The following CERS3 variants were observed in gnomAD, a reference collection of about 807,000 sequenced individuals.
The protein encoded by CERS3 is LAG1 homolog, ceramide synthase 3.
A neutral mutation model predicts 50.3 loss-of-function variants in CERS3; 33 were observed. That is an observed-to-expected ratio of 0.66 (90% CI 0.50 to 0.88). The LOEUF (loss-of-function observed/expected upper bound fraction) is 0.88, where lower values mean the gene tolerates loss of function less well. Ranked by LOEUF, CERS3 falls within the 40% of genes least tolerant of loss-of-function variation. The pLI, the probability that CERS3 is intolerant of heterozygous loss-of-function variation, is 0.00. For synonymous variants in CERS3, 176 were observed against 155.2 expected, an observed-to-expected ratio of 1.13 and a Z score of -0.99; for missense variants, 470 against 460.3, an observed-to-expected ratio of 1.02 and a Z score of -0.19.
chr15:100,459,843 T>C (rs1240275787), intron 10 of CERS3, among the ~76,000 whole-genome samples: 1 of 152,178 alleles, frequency 6.6e-6, no homozygotes, highest in Non-Finnish European at 1.5e-5. Context: ...TTATTTAATG[T>C]ATAGTGACTA....
At chr15:100,484,912 G>A (rs1003442810) in intron 4 of CERS3, among the ~76,000 whole-genome samples, 2 of 152,104 alleles carry the variant, frequency 1.3e-5, no homozygotes, top group Non-Finnish European at 1.5e-5. Context: ...TTCTCCATAC[G>A]CTGGCAGCAA....
At chr15:100,442,689 G>A (rs1201811141) in intron 11 of CERS3, among the ~76,000 whole-genome samples, 1 of 152,292 alleles carries the variant, frequency 6.6e-6, no homozygotes, top group East Asian at 1.9e-4. Context: ...GCCACTCCCA[G>A]AGCCCCTGGA....
chr15:100,492,208 T>TA (rs2035674128), intron 3 of CERS3, among the ~76,000 whole-genome samples: 1 of 152,260 alleles, frequency 6.6e-6, no homozygotes. Context: ...AGATGTTTGT[T>TA]ACGACTAGCT....
chr15:100,486,663 A>G (rs1194917586), intron 4 of CERS3, among the ~76,000 whole-genome samples: 2 of 152,208 alleles, frequency 1.3e-5, no homozygotes. Flanking sequence ...AGCAGGACAT[A>G]TTCTGGCATG....
intron 3 of CERS3, among the ~76,000 whole-genome samples, chr15:100,497,286 G>C (rs1372759771): frequency 1.3e-5 from 2 of 150,880 alleles, no homozygotes; most frequent in Non-Finnish European, 2.9e-5. Context: ...GACACACACA[G>C]AGAGAGAGAG....
intron 4 of CERS3, among the ~76,000 whole-genome samples, chr15:100,486,016 C>T (rs1327245600): frequency 1.3e-5 from 2 of 152,200 alleles, no homozygotes; most frequent in Non-Finnish European, 2.9e-5. Context: ...GAGAAGCACA[C>T]ATCATGTCCC....
At chr15:100,449,979 CAATACAAGGAAATCAGAAAAACAATTCAT>C (rs2034094310) in intron 11 of CERS3, among the ~76,000 whole-genome samples, 1 of 151,598 alleles carries the variant, frequency 6.6e-6, no homozygotes, top group Admixed American at 6.6e-5. Context: ...CACAGATAAA[CAATACAAGGAAATCAGAAAAACAATTCAT>C]AATGTGAATG....
intron 10 of CERS3, among the ~76,000 whole-genome samples, chr15:100,466,806 TCC>T (rs1205564648): frequency 2.2e-5 from 1 of 44,932 alleles, no homozygotes; most frequent in South Asian, 1.9e-3. Flanking sequence ...CCTCCCTCCC[TCC>T]CTCCCTCCCT....
intron 10 of CERS3, among the ~76,000 whole-genome samples, chr15:100,463,464 A>G (rs920800212): frequency 6.6e-6 from 1 of 151,726 alleles, no homozygotes; most frequent in Non-Finnish European, 1.5e-5. Flanking sequence ...AAAATTCTAA[A>G]TAAATGAATA....
At chr15:100,420,614 G>A (rs2032350520) in intron 11 of CERS3, among the ~76,000 whole-genome samples, 1 of 151,628 alleles carries the variant, frequency 6.6e-6, no homozygotes, top group Admixed American at 6.6e-5. Flanking sequence ...CCAAAGCCAG[G>A]CAGAGACACA....
At chr15:100,540,738 G>C (rs2037183002) in intron 1 of CERS3, among the ~76,000 whole-genome samples, 1 of 152,174 alleles carries the variant, frequency 6.6e-6, no homozygotes, top group Non-Finnish European at 1.5e-5. Flanking sequence ...TCTGACTCCA[G>C]TAAGCTCTTC....
At chr15:100,405,747 G>A (rs574615939) in intron 11 of CERS3, among the ~76,000 whole-genome samples, 1 of 152,144 alleles carries the variant, frequency 6.6e-6, no homozygotes, top group African/African-American at 2.4e-5. Flanking sequence ...TGATTATGGG[G>A]ATGGCTGCAC....
intron 5 of CERS3, among the ~76,000 whole-genome samples, chr15:100,483,905 C>A (rs1011242284): frequency 6.7e-6 from 1 of 150,362 alleles, no homozygotes; most frequent in Non-Finnish European, 1.5e-5. Context: ...CTCAGCCTCC[C>A]GAGTAGCTGG....
At chr15:100,522,481 T>A (rs1461862308) in intron 1 of CERS3, among the ~76,000 whole-genome samples, 1 of 152,214 alleles carries the variant, frequency 6.6e-6, no homozygotes, top group Non-Finnish European at 1.5e-5. Flanking sequence ...CACCCCAGAC[T>A]CTTCCTCATG....
chr15:100,420,881 A>G (rs1472950254), intron 11 of CERS3, among the ~76,000 whole-genome samples: 1 of 151,262 alleles, frequency 6.6e-6, no homozygotes, highest in Non-Finnish European at 1.5e-5. Context: ...AAAATTCAAC[A>G]ACCCTTCATG....
intron 2 of CERS3, among the ~76,000 whole-genome samples, chr15:100,514,897 C>T (rs11247213): frequency 0.32 from 49,179 of 151,928 alleles, 8,111 homozygotes; most frequent in East Asian, 0.37. Flanking sequence ...ATTAGGAAAA[C>T]TTATCACTCT....
At position 100,456,188 on chromosome 15, in the gene CERS3, A is replaced by G. The variant is rs548435943; in HGVS notation, c.846-142T>C. On this transcript the variant is annotated intron_variant, in intron 10 of 11. Transcript: ENST00000679737. ...CCAGAAAATTATCAAAAGAAAAGAT[A>G]CGATAATATTATCTTAAATATCATT... is the stretch of plus-strand genomic sequence containing the variant. 7.1e-5 allele frequency: 37 copies of G among 522,084 alleles called. No individual in the cohort carries two copies. In the East Asian group the frequency reaches 1.2e-3, roughly 16 times the overall value. The allele number at this position is 522,084 out of a possible 1,614,324, so 32.3% of individuals were successfully genotyped here.
In CERS3 at chr15:100,463,314, A is replaced by G. The variant is rs150518355; in HGVS notation, c.845+6064T>C. On this transcript the variant is annotated intron_variant, in intron 10 of 11. Transcript: ENST00000679737. ...GCTGGGTGTGGTGGCATGCACTTGT[A>G]GTCCCAGCAACTCAGGAGGCTGAGG... Among the ~76,000 whole-genome samples the G allele has an allele frequency of 4.9e-3, 746 of 151,968 alleles. 7 individuals are homozygous for G. The highest frequency in any genetic ancestry group is 0.017 in the African/African-American group (709 of 41,434).
chr15:100,538,340 C>T (rs1355762647), intron 1 of CERS3, among the ~76,000 whole-genome samples: 1 of 152,198 alleles, frequency 6.6e-6, no homozygotes, highest in Admixed American at 6.5e-5. Flanking sequence ...TGTGTGGGGA[C>T]TCTGACCCCA....
Sources: allele counts gnomAD v4.1 joint callset (sites outside exome capture counted in the v4.1 genomes callset), GRCh38; gene constraint gnomAD v4.1.1; transcripts MANE v1.5; gene names NCBI Gene and HGNC (gene_info 2026-07-23, HGNC 2026-07-21).